Variants in DSCAM observed in about 807,000 individuals in gnomAD.
DSCAM encodes DS cell adhesion molecule, also known as cell adhesion molecule DSCAM.
DSCAM carries 47 observed loss-of-function variants against 217.7 expected under a neutral mutation model. The observed-to-expected ratio is 0.22, with a 90% CI of 0.17 to 0.28. DSCAM has a LOEUF of 0.28. Among genes scored for constraint, DSCAM ranks in the 10% least tolerant of loss-of-function variants. The pLI, the probability that DSCAM is intolerant of heterozygous loss-of-function variation, is 1.00. For synonymous variants in DSCAM, 1,056 were observed against 1,015.3 expected (o/e 1.04, Z -0.76); for missense variants, 2,080 against 2,618.3 (o/e 0.79, Z 4.49).
intron 3 of DSCAM, among the ~76,000 whole-genome samples, chr21:40,680,829 C>T (rs766803930): frequency 5.9e-5 from 9 of 151,962 alleles, no homozygotes; most frequent in East Asian, 1.9e-4. Context: ...CCACAGGTGA[C>T]GATTTAGCCA....
intron 3 of DSCAM, among the ~76,000 whole-genome samples, chr21:40,401,955 A>G (rs2075237722): frequency 6.6e-6 from 1 of 151,778 alleles, no homozygotes; most frequent in Non-Finnish European, 1.5e-5. Context: ...ACAATAATCA[A>G]ATGTTTCCCC....
At chr21:40,220,886 G>A (rs998762100) in intron 11 of DSCAM, among the ~76,000 whole-genome samples, 15 of 152,310 alleles carry the variant, frequency 9.8e-5, no homozygotes, top group African/African-American at 2.4e-4. Context: ...ACTGGGCCAC[G>A]AGGCTGCACA....
At chr21:40,383,700 A>G (rs990572486) in intron 3 of DSCAM, 3 of 152,232 alleles carry the variant, frequency 2.0e-5, no homozygotes, top group African/African-American at 7.2e-5. Flanking sequence ...AGGCAATTGT[A>G]TCTGACTAGA....
intron 1 of DSCAM, among the ~76,000 whole-genome samples, chr21:40,731,682 C>T (rs1267208881): frequency 1.3e-5 from 2 of 151,672 alleles, no homozygotes; most frequent in African/African-American, 4.9e-5. Flanking sequence ...TAATGAAGGC[C>T]CATCTTACAG....
At chr21:40,063,395 A>T (rs1173623886) in intron 27 of DSCAM, among the ~76,000 whole-genome samples, 1 of 152,118 alleles carries the variant, frequency 6.6e-6, no homozygotes, top group South Asian at 2.1e-4. Flanking sequence ...TTCAGAAATT[A>T]AAAAAACTTT....
At chr21:40,078,251 AC>A (rs1420931967) in intron 26 of DSCAM, among the ~76,000 whole-genome samples, 1 of 152,142 alleles carries the variant, frequency 6.6e-6, no homozygotes, top group African/African-American at 2.4e-5. Flanking sequence ...AAGCTCCTTT[AC>A]CATGGAAAAT....
intron 11 of DSCAM, among the ~76,000 whole-genome samples, chr21:40,259,618 C>T (rs2146975596): frequency 1.5e-5 from 2 of 137,874 alleles, no homozygotes; most frequent in Admixed American, 1.5e-4. Flanking sequence ...ATACTGGTTA[C>T]TGAATAGTTC....
rs1169174336 is a variant in DSCAM at position 40,339,101 on chromosome 21, A to T, written c.1507+18T>A. 2 of 1,611,422 alleles carry T rather than the reference A, an allele frequency of 1.2e-6. No individual in the cohort carries two copies. Among genetic ancestry groups the T allele is most frequent in the Non-Finnish European group, 1.7e-6 (2 of 1,178,826 alleles). ...ATGAGTTATGTGTGTTTTTTTGAGG[A>T]GCTGATTTGACAAGCACCTCTTACG... On this transcript the variant is annotated intron_variant, in intron 7 of 32. Coordinates refer to ENST00000400454, the MANE Select transcript of DSCAM (RefSeq NM_001389.5).
chr21:40,562,541 TCTC>T (rs774148809), intron 3 of DSCAM, among the ~76,000 whole-genome samples: 25 of 152,360 alleles, frequency 1.6e-4, no homozygotes, highest in African/African-American at 4.6e-4. Context: ...CTGTGTAATT[TCTC>T]CTCACTAGTC....
At chr21:40,341,575 C>T (rs1014652632) in intron 6 of DSCAM, among the ~76,000 whole-genome samples, 2 of 152,150 alleles carry the variant, frequency 1.3e-5, no homozygotes, top group African/African-American at 4.8e-5. Context: ...TACCAAAATT[C>T]CTTAAGTGCT....
chr21:40,016,264 G>A lies in DSCAM; in HGVS notation c.5687-2878C>T, dbSNP rs2088155590. ...GTGGCTTCAGAGTCAATGACAAGTG[G>A]GAGTGGTGACAGAGGAGAAGGGGTT... On this transcript the variant is annotated intron_variant, in intron 32 of 32. Transcript: ENST00000400454. The surrounding 1 kb of genome is among the most constrained non-coding windows in gnomAD (Gnocchi z 4.3). 1.3e-5 allele frequency among the ~76,000 whole-genome samples: 2 copies of A among 152,174 alleles called. No individual in the cohort carries two copies. The highest frequency in any genetic ancestry group is 1.3e-4 in the Admixed American group (2 of 15,274).
chr21:40,162,144 C>T (rs941364752), intron 16 of DSCAM, among the ~76,000 whole-genome samples: 3 of 152,188 alleles, frequency 2.0e-5, no homozygotes, highest in Non-Finnish European at 2.9e-5. Context: ...TGCTCAGAAA[C>T]CCAGGAGGCA....
intron 3 of DSCAM, among the ~76,000 whole-genome samples, chr21:40,552,647 C>A (rs543033593): frequency 6.6e-6 from 1 of 152,342 alleles, no homozygotes; most frequent in Non-Finnish European, 1.5e-5. Context: ...GCAGCTTCAT[C>A]TACTTTCCAT....
chr21:40,182,614 GAACGGGCCACCA>G (rs1568986377), intron 14 of DSCAM, among the ~76,000 whole-genome samples: 26 of 136,154 alleles, frequency 1.9e-4, no homozygotes, highest in African/African-American at 8.0e-4. Flanking sequence ...ACCGTGGACA[GAACGGGCCACCA>G]GAGAAACCGT....
At chr21:40,036,998 G>C (rs567503369) in intron 32 of DSCAM, among the ~76,000 whole-genome samples, 1 of 150,638 alleles carries the variant, frequency 6.6e-6, no homozygotes, top group South Asian at 2.1e-4. Flanking sequence ...AATAAATTAG[G>C]TATTGATGGG....
chr21:40,031,154 T>C (rs2088515681), intron 32 of DSCAM, among the ~76,000 whole-genome samples: 1 of 152,180 alleles, frequency 6.6e-6, no homozygotes, highest in Non-Finnish European at 1.5e-5. Flanking sequence ...GGGGTTCAGT[T>C]CTAATCATTG....
intron 3 of DSCAM, among the ~76,000 whole-genome samples, chr21:40,466,024 T>C (rs895884561): frequency 1.3e-5 from 2 of 152,188 alleles, no homozygotes; most frequent in African/African-American, 2.4e-5. Flanking sequence ...CTGTGAAACA[T>C]GCAGATGTGG....
At chr21:40,769,354 C>G (rs117166047) in intron 1 of DSCAM, among the ~76,000 whole-genome samples, 1 of 152,190 alleles carries the variant, frequency 6.6e-6, no homozygotes, top group Non-Finnish European at 1.5e-5. Context: ...CCACAGATGA[C>G]CCCAACCTCA....
At chr21:40,730,733 CG>C (rs2091003382) in intron 1 of DSCAM, among the ~76,000 whole-genome samples, 4 of 152,274 alleles carry the variant, frequency 2.6e-5, no homozygotes, top group African/African-American at 2.4e-5. Context: ...AGCAAGACCC[CG>C]GACTCACAAT....
Sources: allele counts gnomAD v4.1 joint callset (sites outside exome capture counted in the v4.1 genomes callset), GRCh38; gene constraint gnomAD v4.1.1; non-coding constraint Gnocchi (gnomAD v3.1); transcripts MANE v1.5; gene names NCBI Gene and HGNC (gene_info 2026-07-23, HGNC 2026-07-21).